Variants in NOS1AP observed in about 807,000 individuals in gnomAD.
NOS1AP encodes nitric oxide synthase 1 adaptor protein.
A neutral mutation model predicts 56.2 loss-of-function variants in NOS1AP; 21 were observed. The observed-to-expected ratio is 0.37, with a 90% CI of 0.26 to 0.54. The LOEUF (loss-of-function observed/expected upper bound fraction) is 0.54, where lower values mean the gene tolerates loss of function less well. NOS1AP is among the 20% of genes least tolerant of loss of function. The pLI is 0.84. For synonymous variants in NOS1AP, 270 were observed against 274.6 expected, an observed-to-expected ratio of 0.98 and a Z score of 0.17; for missense variants, 522 against 657.8, an observed-to-expected ratio of 0.79 and a Z score of 2.26.
chr1:162,233,565 A>G (rs892740947), intron 2 of NOS1AP, among the ~76,000 whole-genome samples: 3 of 152,180 alleles, frequency 2.0e-5, no homozygotes, highest in African/African-American at 7.2e-5. Context: ...GAATGTTTTC[A>G]TTATCCCAAG....
At chr1:162,145,912 G>A (rs1011033393) in intron 1 of NOS1AP, among the ~76,000 whole-genome samples, 1 of 152,172 alleles carries the variant, frequency 6.6e-6, no homozygotes, top group Non-Finnish European at 1.5e-5. Context: ...GAAGAATGCA[G>A]GGGTCCTAGA....
chr1:162,203,617 C>T (rs949713592), intron 2 of NOS1AP, among the ~76,000 whole-genome samples: 2 of 152,208 alleles, frequency 1.3e-5, no homozygotes, highest in Admixed American at 6.5e-5. Flanking sequence ...GACTTTAGAA[C>T]TTGACTTTGC....
chr1:162,262,209 G>T (rs191919130), intron 2 of NOS1AP, among the ~76,000 whole-genome samples: 1 of 152,280 alleles, frequency 6.6e-6, no homozygotes, highest in African/African-American at 2.4e-5. Context: ...GTGGCTGGGT[G>T]TTTTGTCCTT....
At chr1:162,169,450 T>A (rs1650658144) in intron 2 of NOS1AP, among the ~76,000 whole-genome samples, 1 of 152,216 alleles carries the variant, frequency 6.6e-6, no homozygotes, top group Non-Finnish European at 1.5e-5. Flanking sequence ...TCATATTGAT[T>A]TGTGATTTTC....
At chr1:162,106,254 G>C (rs1457442656) in intron 1 of NOS1AP, among the ~76,000 whole-genome samples, 1 of 152,168 alleles carries the variant, frequency 6.6e-6, no homozygotes, top group Non-Finnish European at 1.5e-5. Flanking sequence ...TGCAGCTCCT[G>C]GATGGGCCAC....
At chr1:162,333,844 T>C (rs1230659611) in intron 5 of NOS1AP, among the ~76,000 whole-genome samples, 1 of 152,224 alleles carries the variant, frequency 6.6e-6, no homozygotes, top group Non-Finnish European at 1.5e-5. Flanking sequence ...TGAGAAGGTC[T>C]GATGATAAAA....
Position 162,155,401 on chromosome 1 carries a change from C to CAT in NOS1AP, c.177+939_177+940dup, listed in dbSNP as rs1238168171. On this transcript the variant is annotated intron_variant, in intron 2 of 9. Coordinates refer to ENST00000361897, the MANE Select transcript of NOS1AP (RefSeq NM_014697.3). ...AGAGAGCTTATATATATAGAGAGCT[C>CAT]ATATATATATATATAGAGCCTATAT... Among the ~76,000 whole-genome samples the CAT allele has an allele frequency of 3.1e-3, 333 of 107,800 alleles. 3 individuals are homozygous for CAT. Among genetic ancestry groups the CAT allele is most frequent in the East Asian group, 0.014 (52 of 3,716 alleles). The allele number at this position is 107,800 out of a possible 152,430, so 70.7% of individuals were successfully genotyped here.
chr1:162,259,339 G>A (rs761036560), intron 2 of NOS1AP, among the ~76,000 whole-genome samples: 7 of 152,072 alleles, frequency 4.6e-5, no homozygotes, highest in Admixed American at 2.6e-4. Flanking sequence ...CTGTAAGCAC[G>A]GCAGACTTAA....
rs148276619 is a variant in NOS1AP, at chr1:162,105,003, T to G, written c.105+34721T>G. On this transcript the variant is annotated intron_variant, in intron 1 of 9. Coordinates refer to ENST00000361897, the MANE Select transcript of NOS1AP (RefSeq NM_014697.3). ...AGGGGCATTCTGGTTTTTGAGTTTC[T>G]GTGTTTTTGCATTGATTGTTTCTCA... Among the ~76,000 whole-genome samples the G allele has an allele frequency of 2.0e-3, 300 of 152,358 alleles. 2 individuals are homozygous for G. Among genetic ancestry groups the G allele is most frequent in the African/African-American group, 6.9e-3 (286 of 41,584 alleles).
chr1:162,084,966 T>C (rs1691971253), intron 1 of NOS1AP, among the ~76,000 whole-genome samples: 1 of 152,136 alleles, frequency 6.6e-6, no homozygotes, highest in Non-Finnish European at 1.5e-5. Flanking sequence ...ACCCAGCCCA[T>C]AGTGTTTTCT....
chr1:162,247,424 T>C lies in NOS1AP; in HGVS notation c.178-39920T>C, dbSNP rs533881805. On this transcript the variant is annotated intron_variant, in intron 2 of 9. Coordinates refer to ENST00000361897, the MANE Select transcript of NOS1AP (RefSeq NM_014697.3). ...GCACCTGAATGCCTCCTTTGTCTGATTCCCAGAGTTCCCAGGGTTGAGTAA... is the reference window on the plus strand; with the variant it reads ...GCACCTGAATGCCTCCTTTGTCTGACTCCCAGAGTTCCCAGGGTTGAGTAA... 3.3e-5 allele frequency among the ~76,000 whole-genome samples: 5 copies of C among 152,320 alleles called. No homozygotes were observed. The South Asian group carries it at 6.2e-4, about 19-fold the overall frequency.
At chr1:162,275,557 C>G (rs976490175) in intron 2 of NOS1AP, among the ~76,000 whole-genome samples, 1 of 152,186 alleles carries the variant, frequency 6.6e-6, no homozygotes, top group African/African-American at 2.4e-5. Flanking sequence ...ACATCTCACT[C>G]TCAGTAGTTC....
chr1:162,317,086 T>C (rs1382923325), intron 4 of NOS1AP: 1 of 152,166 alleles, frequency 6.6e-6, no homozygotes, highest in African/African-American at 2.4e-5. Context: ...TATTAATTGC[T>C]CCAATAAAAG....
At chr1:162,292,709 T>C (rs1655320170) in intron 3 of NOS1AP, among the ~76,000 whole-genome samples, 1 of 152,214 alleles carries the variant, frequency 6.6e-6, no homozygotes, top group Non-Finnish European at 1.5e-5. Flanking sequence ...AGTCTTTAAC[T>C]CCTAACCTGT....
intron 3 of NOS1AP, among the ~76,000 whole-genome samples, chr1:162,290,933 C>T (rs1316381816): frequency 1.3e-5 from 2 of 151,940 alleles, no homozygotes; most frequent in African/African-American, 2.4e-5. Flanking sequence ...CTCGGATACT[C>T]TGTGCCAGCT....
intron 3 of NOS1AP, among the ~76,000 whole-genome samples, chr1:162,289,413 T>G (rs937592053): frequency 6.7e-6 from 1 of 149,116 alleles, no homozygotes; most frequent in African/African-American, 2.5e-5. Flanking sequence ...TTCTCCTGCC[T>G]CAGCCTCCCG....
intron 1 of NOS1AP, among the ~76,000 whole-genome samples, chr1:162,098,540 G>A (rs531385820): frequency 1.4e-5 from 2 of 144,582 alleles, no homozygotes; most frequent in South Asian, 5.0e-4. Context: ...AGGGGTACAT[G>A]TGCCAGATGT....
chr1:162,289,271 TC>T (rs1221821426), intron 3 of NOS1AP, among the ~76,000 whole-genome samples: 3 of 56,470 alleles, frequency 5.3e-5, no homozygotes, highest in Non-Finnish European at 3.4e-5. Flanking sequence ...CTTCCTTCCT[TC>T]CTTCCTTTCC....
chr1:162,139,160 C>T (rs901420210), intron 1 of NOS1AP, among the ~76,000 whole-genome samples: 1 of 152,122 alleles, frequency 6.6e-6, no homozygotes, highest in Non-Finnish European at 1.5e-5. Context: ...CGGGTTTTGA[C>T]CTCATTCCCT....
Sources: allele counts gnomAD v4.1 joint callset (sites outside exome capture counted in the v4.1 genomes callset), GRCh38; gene constraint gnomAD v4.1.1; transcripts MANE v1.5; gene names NCBI Gene and HGNC (gene_info 2026-07-23, HGNC 2026-07-21).